Variants in TYW1B observed in about 807,000 individuals in gnomAD.
TYW1B encodes tRNA-yW synthesizing protein 1 homolog B, also known as S-adenosyl-L-methionine-dependent tRNA 4-demethylwyosine synthase TYW1B.
Under a neutral mutation model 86.9 loss-of-function variants are expected in TYW1B, and 73 were observed. The ratio of observed to expected loss-of-function variants is 0.84; its 90% CI spans 0.70 to 1.02. The LOEUF is 1.02. TYW1B is among the 50% of genes least tolerant of loss of function. TYW1B has a pLI of 0.00. For missense variants in TYW1B, 637 were observed against 827.4 expected, an observed-to-expected ratio of 0.77 and a Z score of 2.82; for synonymous variants, 248 against 292.8, an observed-to-expected ratio of 0.85 and a Z score of 1.56.
At chr7:72,583,334 A>G (rs782786006) in intron 13 of TYW1B, among the ~76,000 whole-genome samples, 13 of 152,212 alleles carry the variant, frequency 8.5e-5, no homozygotes. Context: ...TGGGGGACAG[A>G]GCAAGACTCC....
chr7:72,616,768 C>T lies in TYW1B; in HGVS notation c.1689G>A (p.Val563=), dbSNP rs782356771. 1.9e-6 allele frequency: 3 copies of T among 1,614,204 alleles called. No individual in the cohort carries two copies. Among genetic ancestry groups the T allele is most frequent in the Non-Finnish European group, 2.5e-6 (3 of 1,180,032 alleles). ...CCACCAGCTCGCGGACAAACTGTAC[C>T]ACTTCCTCATGCCAGGGCACATGGG... ...TMAHVPWHEE[V]VQFVRELVDL... The change falls in exon 13 of 14, where the codon GTG becomes GTA. Residue 563 remains valine (V), a synonymous_variant. Coordinates refer to ENST00000620995, the MANE Select transcript of TYW1B (RefSeq NM_001145440.3).
rs181312912 is a variant in TYW1B, at chr7:72,690,873, G to A, written c.1506+3814C>T. Among the ~76,000 whole-genome samples, 332 of 151,986 alleles carry A rather than the reference G, an allele frequency of 2.2e-3. 2 individuals carry two copies. The highest frequency in any genetic ancestry group is 5.8e-3 in the African/African-American group (241 of 41,474). On this transcript the variant is annotated intron_variant, in intron 11 of 13. Coordinates refer to ENST00000620995, the MANE Select transcript of TYW1B (RefSeq NM_001145440.3). ...AGCAATTCTCCTGCCTCAGCCTCCC[G>A]AGTAGCTGGGATTACAGGTACCTGC...
At chr7:72,825,864 G>C (rs1185067850) in intron 2 of TYW1B, among the ~76,000 whole-genome samples, 4 of 152,078 alleles carry the variant, frequency 2.6e-5, no homozygotes, top group Admixed American at 6.6e-5. Flanking sequence ...CCTCAAGACA[G>C]TGACCATCAG....
chr7:72,602,424 G>A (rs181567346), intron 13 of TYW1B, among the ~76,000 whole-genome samples: 102 of 152,230 alleles, frequency 6.7e-4, no homozygotes, highest in Admixed American at 5.2e-3. Flanking sequence ...TTGAATATAG[G>A]TATAGACAGA....
chr7:72,594,284 A>C (rs1433053362), intron 13 of TYW1B, among the ~76,000 whole-genome samples: 1 of 152,024 alleles, frequency 6.6e-6, no homozygotes, highest in Non-Finnish European at 1.5e-5. Context: ...TTTTAAAAAG[A>C]GAGAAATAAG....
intron 13 of TYW1B, among the ~76,000 whole-genome samples, chr7:72,603,046 T>C (rs1328782798): frequency 4.0e-5 from 6 of 151,798 alleles, no homozygotes; most frequent in Admixed American, 2.0e-4. Context: ...TATAGACACA[T>C]AGACAGACAG....
chr7:72,662,244 A>C (rs1433939412), intron 11 of TYW1B, among the ~76,000 whole-genome samples: 1 of 152,208 alleles, frequency 6.6e-6, no homozygotes, highest in Non-Finnish European at 1.5e-5. Flanking sequence ...TGGTGATATA[A>C]ATCTTTAAAT....
Position 72,667,754 on chromosome 7 carries a change from C to G in TYW1B, c.1506+26933G>C, listed in dbSNP as rs1347995145. Among the ~76,000 whole-genome samples, 3 of 152,124 alleles carry G rather than the reference C, an allele frequency of 2.0e-5. No homozygotes were observed. In the South Asian group the frequency reaches 6.2e-4, roughly 32 times the overall value. ...ACAAAGAGATGTTGTAGTGGAAAAC[C>G]AGCAACACAAAGAGGTGACCTGTAG... is the stretch of plus-strand genomic sequence containing the variant. On this transcript the variant is annotated intron_variant, in intron 11 of 13. Coordinates refer to ENST00000620995, the MANE Select transcript of TYW1B (RefSeq NM_001145440.3).
At chr7:72,768,844 C>T (rs67188607) in intron 7 of TYW1B, 219,613 of 274,482 alleles carry the variant, frequency 0.8, 88,184 homozygotes, top group Non-Finnish European at 0.8. Context: ...CCCTATATGA[C>T]TTCTCTGATT....
rs1788535368 is a variant in TYW1B at position 72,808,365 on chromosome 7, ACCTGAG to A, written c.433-1015_433-1010del. On this transcript the variant is annotated intron_variant, in intron 4 of 13. Coordinates refer to ENST00000620995, the MANE Select transcript of TYW1B (RefSeq NM_001145440.3). Reference sequence around the variant, plus strand: ...CTCAGTAGGCTAAGGTGGGAGGATCACCTGAGCCCAGGGAGGTCGAGGCTGCAGCAA... The same window carrying A: ...CTCAGTAGGCTAAGGTGGGAGGATCACCCAGGGAGGTCGAGGCTGCAGCAA... Among the ~76,000 whole-genome samples, 3 of 152,030 alleles carry A rather than the reference ACCTGAG, an allele frequency of 2.0e-5. No individual in the cohort carries two copies. In the South Asian group the frequency reaches 6.2e-4, roughly 32 times the overall value.
chr7:72,808,291 A>G (rs1788533910), intron 4 of TYW1B, among the ~76,000 whole-genome samples: 1 of 151,894 alleles, frequency 6.6e-6, no homozygotes, highest in African/African-American at 2.4e-5. Context: ...TCTCTACAAA[A>G]AATACAAAAA....
intron 7 of TYW1B, among the ~76,000 whole-genome samples, chr7:72,770,813 C>T (rs1249644107): frequency 6.6e-6 from 1 of 152,042 alleles, no homozygotes; most frequent in Non-Finnish European, 1.5e-5. Context: ...CATACAATGG[C>T]ATACTACTGA....
intron 2 of TYW1B, among the ~76,000 whole-genome samples, chr7:72,824,468 C>T (rs1554481095): frequency 2.0e-5 from 3 of 151,972 alleles, no homozygotes; most frequent in African/African-American, 4.8e-5. Flanking sequence ...TGGCTGGGAG[C>T]GGTGCCTCAC....
intron 10 of TYW1B, among the ~76,000 whole-genome samples, chr7:72,712,194 C>T (rs1554454892): frequency 6.6e-6 from 1 of 152,044 alleles, no homozygotes; most frequent in African/African-American, 2.4e-5. Flanking sequence ...TTACAAGAGC[C>T]CTCTGCTGTT....
intron 11 of TYW1B, among the ~76,000 whole-genome samples, chr7:72,650,246 T>G (rs1176565689): frequency 6.6e-6 from 1 of 151,970 alleles, no homozygotes; most frequent in Non-Finnish European, 1.5e-5. Flanking sequence ...TTAACCTCCC[T>G]GTGCCGAAGC....
chr7:72,598,002 G>A (rs1348643864), intron 13 of TYW1B, among the ~76,000 whole-genome samples: 4 of 152,150 alleles, frequency 2.6e-5, no homozygotes, highest in Non-Finnish European at 5.9e-5. Flanking sequence ...GGACAGATTC[G>A]CACATGATGG....
intron 12 of TYW1B, among the ~76,000 whole-genome samples, chr7:72,626,594 G>A (rs1281235989): frequency 6.6e-6 from 1 of 152,110 alleles, no homozygotes; most frequent in Non-Finnish European, 1.5e-5. Flanking sequence ...CTGTATCTCA[G>A]CAAACAGTTT....
intron 8 of TYW1B, among the ~76,000 whole-genome samples, chr7:72,735,953 A>G (rs7806991): frequency 0.78 from 118,134 of 151,932 alleles, 46,093 homozygotes; most frequent in Middle Eastern, 0.8. Flanking sequence ...ACAGAGTTGC[A>G]CATTGTTAGA....
intron 7 of TYW1B, chr7:72,769,092 G>A: frequency 2.6e-6 from 1 of 379,716 alleles, no homozygotes; most frequent in Non-Finnish European, 5.0e-6. Context: ...TCTGTGGGAT[G>A]GGCATGCAGC....
Sources: gnomAD v4.1 joint callset for allele counts (sites outside exome capture counted in the v4.1 genomes callset) on GRCh38, gnomAD v4.1.1 for gene constraint, MANE v1.5 for transcripts, NCBI Gene and HGNC (gene_info 2026-07-23, HGNC 2026-07-21) for gene names.